The following ZZZ3 variants were observed in gnomAD, a reference collection of about 807,000 sequenced individuals.
ZZZ3 encodes the protein zinc finger ZZ-type containing 3, also known as ZZ-type zinc finger-containing protein 3.
A neutral mutation model predicts 95.2 loss-of-function variants in ZZZ3; 22 were observed. That is an observed-to-expected ratio of 0.23 (90% CI 0.17 to 0.33). The LOEUF (loss-of-function observed/expected upper bound fraction) is 0.33. ZZZ3 is among the 10% of genes least tolerant of loss of function. The pLI, the probability that ZZZ3 is intolerant of heterozygous loss-of-function variation, is 1.00. For missense variants in ZZZ3, 885 were observed against 1,066.5 expected (o/e 0.83, Z 2.37); for synonymous variants, 335 against 358.9 (o/e 0.93, Z 0.75).
intron 3 of ZZZ3, 147 bp downstream of exon 3, chr1:77,641,237 G>T (rs915031187): frequency 1.6e-5 from 4 of 255,022 alleles, no homozygotes; most frequent in Non-Finnish European, 2.9e-5. Context: ...GAGCATACTG[G>T]AATGTGCCCT....
chr1:77,592,928 A>G (rs376570351), intron 5 of ZZZ3, among the ~76,000 whole-genome samples: 1 of 152,156 alleles, frequency 6.6e-6, no homozygotes, highest in South Asian at 2.1e-4. Flanking sequence ...CGAGGTAAAG[A>G]TCCACAAGAA....
At chr1:77,601,661 A>T (rs1664738795) in intron 5 of ZZZ3, among the ~76,000 whole-genome samples, 1 of 152,038 alleles carries the variant, frequency 6.6e-6, no homozygotes, top group African/African-American at 2.4e-5. Flanking sequence ...AGAGAAAGAG[A>T]TCCCTTCATT....
chr1:77,679,589 G>A (rs1338720001), intron 1 of ZZZ3, among the ~76,000 whole-genome samples: 1 of 152,070 alleles, frequency 6.6e-6, no homozygotes, highest in Non-Finnish European at 1.5e-5. Context: ...CCCAGCTTAA[G>A]GTAACTTAAA....
At chr1:77,621,817 G>A (rs908202845) in intron 5 of ZZZ3, among the ~76,000 whole-genome samples, 1 of 151,670 alleles carries the variant, frequency 6.6e-6, no homozygotes, top group Non-Finnish European at 1.5e-5. Context: ...ACCCTGTCTT[G>A]AAAAAATATA....
intron 5 of ZZZ3, among the ~76,000 whole-genome samples, chr1:77,590,218 A>G (rs1332592371): frequency 4.6e-5 from 7 of 152,178 alleles, no homozygotes; most frequent in Non-Finnish European, 1.0e-4. Flanking sequence ...TACTAAAAAT[A>G]CAAAAATTAG....
chr1:77,626,381 A>G (rs1274343865), intron 5 of ZZZ3, among the ~76,000 whole-genome samples: 1 of 152,176 alleles, frequency 6.6e-6, no homozygotes, highest in Non-Finnish European at 1.5e-5. Context: ...ACAACTCACC[A>G]TAATGTAGAA....
At chr1:77,576,371 T>C in intron 11 of ZZZ3, 151 bp from the exon 12 acceptor site, 1 of 659,336 alleles carries the variant, frequency 1.5e-6, no homozygotes, top group Middle Eastern at 4.1e-4. Context: ...TTTTCTGTTT[T>C]CTGCGTTTTT....
At chr1:77,662,696 CAGG>C (rs1360454112) in intron 1 of ZZZ3, among the ~76,000 whole-genome samples, 1 of 152,118 alleles carries the variant, frequency 6.6e-6, no homozygotes, top group African/African-American at 2.4e-5. Flanking sequence ...GAGGCTAAAG[CAGG>C]AGGATCACTT....
chr1:77,633,236 G>A lies in ZZZ3; in HGVS notation c.119C>T (p.Ser40Phe), dbSNP rs1557746812. ...TCTTGATCGTACTTGAGAATTAGAA[G>A]AGATTTCTTCAGGATGCGCAATGCT... ...NRSIAHPEEI[S>F]SNSQVRSRSP... Residue 40 changes from serine to phenylalanine, a missense_variant, in exon 5 of 15, where the codon TCT becomes TTT. Around this residue, in one of 5 missense-constraint regions of ZZZ3, gnomAD observed 556 missense variants for 652.9 expected, o/e 0.85. Transcript: ENST00000370801. 1 of 1,614,060 alleles carries A rather than the reference G, an allele frequency of 6.2e-7. No homozygotes were observed. Among genetic ancestry groups the A allele is most frequent in the Non-Finnish European group, 8.5e-7 (1 of 1,179,974 alleles).
chr1:77,583,189 T>C (rs1289863738), intron 6 of ZZZ3, among the ~76,000 whole-genome samples: 6 of 152,106 alleles, frequency 3.9e-5, no homozygotes, highest in African/African-American at 1.2e-4. Context: ...ATCAACTGCA[T>C]GCAAATCTAG....
chr1:77,652,829 C>T (rs1339036000), intron 1 of ZZZ3, among the ~76,000 whole-genome samples: 1 of 152,112 alleles, frequency 6.6e-6, no homozygotes, highest in African/African-American at 2.4e-5. Flanking sequence ...AAACATTATG[C>T]TAACTGAAAG....
At chr1:77,672,331 T>C (rs1671861950) in intron 1 of ZZZ3, among the ~76,000 whole-genome samples, 1 of 152,214 alleles carries the variant, frequency 6.6e-6, no homozygotes, top group Non-Finnish European at 1.5e-5. Flanking sequence ...CACATATTTC[T>C]GGGTTCCATC....
At position 77,639,556 on chromosome 1, in the gene ZZZ3, C is replaced by A; in HGVS notation, c.-159G>T. 1 of 1,047,684 alleles carries A rather than the reference C, an allele frequency of 9.5e-7. No individual in the cohort carries two copies. Among genetic ancestry groups the A allele is most frequent in the Non-Finnish European group, 1.3e-6 (1 of 764,416 alleles). The allele number at this position is 1,047,684 out of a possible 1,614,324, so 64.9% of individuals were successfully genotyped here. On this transcript the variant is annotated 5_prime_UTR_variant, in exon 4 of 15. Transcript: ENST00000370801. ...GGAGCTTAAGCATCAGGGTTTCAGA[C>A]TCTCTCAGCTTCAGCCATGAAGAAT... is the stretch of plus-strand genomic sequence containing the variant.
At chr1:77,592,047 T>A (rs927322868) in intron 5 of ZZZ3, among the ~76,000 whole-genome samples, 4 of 151,890 alleles carry the variant, frequency 2.6e-5, no homozygotes, top group African/African-American at 9.7e-5. Context: ...ACCCTATCCC[T>A]CACTCCAGCC....
In ZZZ3 at chr1:77,562,731, T is replaced by C. The variant is rs1660518246; in HGVS notation, c.*2909A>G. On this transcript the variant is annotated 3_prime_UTR_variant, in exon 15 of 15. Transcript: ENST00000370801. The stretch of plus-strand genomic sequence containing the variant: ...CTGAGACTTTGCAAGCCTGGACATA[T>C]GCTCAGGTTTGTACTCTTAGGAAGC... The C allele has an allele frequency of 6.6e-6, 1 of 152,236 alleles. No individual in the cohort carries two copies. The highest frequency in any genetic ancestry group is 2.4e-5 in the African/African-American group (1 of 41,428). 9.4% of individuals were successfully genotyped at this position (152,236 alleles called of 1,614,324 possible).
At chr1:77,663,808 G>T (rs1264515569) in intron 1 of ZZZ3, among the ~76,000 whole-genome samples, 1 of 151,614 alleles carries the variant, frequency 6.6e-6, no homozygotes, top group Non-Finnish European at 1.5e-5. Context: ...GAGTGCAATG[G>T]CGCGATCTTG....
At chr1:77,624,746 T>C (rs908781000) in intron 5 of ZZZ3, among the ~76,000 whole-genome samples, 1 of 151,966 alleles carries the variant, frequency 6.6e-6, no homozygotes, top group African/African-American at 2.4e-5. Context: ...GAGGAGGGGG[T>C]GGTGGGACCC....
chr1:77,593,779 A>G (rs185273587), intron 5 of ZZZ3, among the ~76,000 whole-genome samples: 1,772 of 152,308 alleles, frequency 0.012, 28 homozygotes, highest in Non-Finnish European at 0.015. Flanking sequence ...TTCTAGGAAG[A>G]AAATGTTACA....
In ZZZ3 at chr1:77,603,617, G is replaced by A. The variant is rs139503617; in HGVS notation, c.1506-18962C>T. On this transcript the variant is annotated intron_variant, in intron 5 of 14. Transcript: ENST00000370801. ...AAGATGCAAAGTTAAACATCCGGGTGCCCATTTCCTGTCCCTAATCTACTA... is the reference window on the plus strand; with the variant it reads ...AAGATGCAAAGTTAAACATCCGGGTACCCATTTCCTGTCCCTAATCTACTA... Among the ~76,000 whole-genome samples, 7 of 152,212 alleles carry A rather than the reference G, an allele frequency of 4.6e-5. No individual in the cohort carries two copies. In the East Asian group the frequency reaches 1.4e-3, roughly 29 times the overall value.
Sources: allele counts gnomAD v4.1 joint callset (sites outside exome capture counted in the v4.1 genomes callset), GRCh38; gene constraint gnomAD v4.1.1; regional missense constraint gnomAD v4.1.1; transcripts MANE v1.5; gene names NCBI Gene and HGNC (gene_info 2026-07-23, HGNC 2026-07-21).